Variants in MAP3K9 observed in about 807,000 individuals in gnomAD.
MAP3K9 encodes the protein mixed lineage kinase 1 (tyr and ser/thr specificity).
MAP3K9 carries 46 observed loss-of-function variants against 95.8 expected under a neutral mutation model. The ratio of observed to expected loss-of-function variants is 0.48; its 90% CI spans 0.38 to 0.61. MAP3K9 has a LOEUF of 0.61. MAP3K9 is among the 20% of genes least tolerant of loss of function. The probability of loss-of-function intolerance (pLI) is 0.00; values close to 1 mark genes in which losing one functional copy is unlikely to be tolerated. For synonymous variants in MAP3K9, 533 were observed against 593.8 expected, an observed-to-expected ratio of 0.90 and a Z score of 1.49; for missense variants, 1,296 against 1,474.3, an observed-to-expected ratio of 0.88 and a Z score of 1.98.
At chr14:70,742,909 A>G (rs1332570424) in intron 5 of MAP3K9, among the ~76,000 whole-genome samples, 1 of 34,026 alleles carries the variant, frequency 2.9e-5, no homozygotes, top group East Asian at 7.1e-4. Context: ...ATTTATATAT[A>G]TTTATATATA....
rs910506432 is a variant in MAP3K9 at position 70,722,883 on chromosome 14, A to C, written c.*7497T>G. The C allele has an allele frequency of 9.2e-5, 14 of 152,202 alleles. No individual in the cohort carries two copies. The highest frequency in any genetic ancestry group is 1.3e-4 in the Non-Finnish European group (9 of 68,040). The allele number at this position is 152,202 out of a possible 1,614,324, so 9.4% of individuals were successfully genotyped here. On this transcript the variant is annotated 3_prime_UTR_variant, in exon 12 of 12. Transcript: ENST00000554752. ...TAGCTAATTACAGAGCAACCAAACA[A>C]ACACATGTGTGAACTTTCACTTCAC...
At chr14:70,764,120 A>C (rs1181572974) in intron 2 of MAP3K9, among the ~76,000 whole-genome samples, 4 of 128,314 alleles carry the variant, frequency 3.1e-5, no homozygotes, top group African/African-American at 1.2e-4. Context: ...CGGGAAGCGG[A>C]GCTTGCAGTG....
chr14:70,758,448 G>A lies in MAP3K9; in HGVS notation c.1001+2554C>T, dbSNP rs184152834. Among the ~76,000 whole-genome samples the A allele has an allele frequency of 9.2e-5, 14 of 152,192 alleles. No individual in the cohort carries two copies. The East Asian group carries it at 2.7e-3, about 29-fold the overall frequency. On this transcript the variant is annotated intron_variant, in intron 3 of 11. Coordinates refer to ENST00000554752, the MANE Select transcript of MAP3K9 (RefSeq NM_001284230.2). Reference sequence around the variant, plus strand: ...TTGGAACATTCATACATTGCTAACGGGAATATAATAAAATGGTATAGCTAT... The same window carrying A: ...TTGGAACATTCATACATTGCTAACGAGAATATAATAAAATGGTATAGCTAT...
chr14:70,767,683 T>C (rs759671424), intron 2 of MAP3K9, among the ~76,000 whole-genome samples: 11 of 152,084 alleles, frequency 7.2e-5, no homozygotes, highest in Non-Finnish European at 1.6e-4. Flanking sequence ...GGAAAGACAA[T>C]GTGACAAAAG....
chr14:70,775,353 G>GA (rs1238696901), intron 2 of MAP3K9, among the ~76,000 whole-genome samples: 4 of 152,086 alleles, frequency 2.6e-5, no homozygotes, highest in Admixed American at 1.3e-4. Flanking sequence ...TCTAGGAAGC[G>GA]AAAGAGTCAA....
At chr14:70,783,798 C>G (rs754369426) in intron 2 of MAP3K9, among the ~76,000 whole-genome samples, 1 of 152,000 alleles carries the variant, frequency 6.6e-6, no homozygotes, top group African/African-American at 2.4e-5. Flanking sequence ...CAGAAAGGCC[C>G]GCTCACCTCC....
At position 70,736,002 on chromosome 14, in the gene MAP3K9, A is replaced by G; in HGVS notation, c.1872T>C (p.Asn624=). Residue 624 remains asparagine (N), a synonymous_variant, in exon 9 of 12, where the codon AAT becomes AAC. Coordinates refer to ENST00000554752, the MANE Select transcript of MAP3K9 (RefSeq NM_001284230.2). ...EGSPQRREKA[N]GLSTPSESPH... Reference sequence around the variant, plus strand: ...GAGATTCTGATGGGGTACTTAAACCATTAGCTTTCTCACGTCTCTGAGGGG... The same window carrying G: ...GAGATTCTGATGGGGTACTTAAACCGTTAGCTTTCTCACGTCTCTGAGGGG... 6.2e-7 allele frequency: 1 copy of G among 1,613,678 alleles called. No homozygotes were observed. Among genetic ancestry groups the G allele is most frequent in the Non-Finnish European group, 8.5e-7 (1 of 1,179,592 alleles).
intron 2 of MAP3K9, among the ~76,000 whole-genome samples, chr14:70,788,832 G>T (rs765069541): frequency 1.3e-5 from 2 of 152,120 alleles, no homozygotes; most frequent in African/African-American, 4.8e-5. Flanking sequence ...GACATGCTCC[G>T]TTTACCTTCC....
intron 2 of MAP3K9, among the ~76,000 whole-genome samples, chr14:70,780,807 A>G (rs1327809201): frequency 6.6e-6 from 1 of 152,238 alleles, no homozygotes. Context: ...GATCTCCGTC[A>G]TACCTCTGAA....
At chr14:70,795,433 C>T (rs964862869) in intron 2 of MAP3K9, among the ~76,000 whole-genome samples, 1 of 152,152 alleles carries the variant, frequency 6.6e-6, no homozygotes, top group African/African-American at 2.4e-5. Context: ...CTCAGCCTCC[C>T]AAGTAGTTGG....
chr14:70,752,176 C>T (rs1594779533), intron 3 of MAP3K9, among the ~76,000 whole-genome samples: 1 of 152,320 alleles, frequency 6.6e-6, no homozygotes, highest in East Asian at 1.9e-4. Context: ...AGTTTGGAGG[C>T]TTATGGGAAT....
intron 2 of MAP3K9, among the ~76,000 whole-genome samples, chr14:70,795,997 C>G (rs2054860545): frequency 6.6e-6 from 1 of 151,834 alleles, no homozygotes; most frequent in Non-Finnish European, 1.5e-5. Context: ...TCGGGTGATC[C>G]TCCTCCCTCA....
At chr14:70,748,717 A>C in intron 5 of MAP3K9, 112 bp downstream of exon 5, 1 of 776,484 alleles carries the variant, frequency 1.3e-6, no homozygotes, top group Non-Finnish European at 2.0e-6. Flanking sequence ...TGCTAGAATC[A>C]AGATGGTCAG....
At chr14:70,773,951 C>T (rs1034709302) in intron 2 of MAP3K9, among the ~76,000 whole-genome samples, 1 of 152,170 alleles carries the variant, frequency 6.6e-6, no homozygotes, top group African/African-American at 2.4e-5. Flanking sequence ...AAATATCTTG[C>T]TCATTACTAC....
intron 6 of MAP3K9, among the ~76,000 whole-genome samples, chr14:70,740,392 C>A (rs192553984): frequency 6.6e-6 from 1 of 152,282 alleles, no homozygotes; most frequent in East Asian, 1.9e-4. Flanking sequence ...TGAACTTCAT[C>A]TGTGAGCTTC....
At chr14:70,757,948 C>CA (rs778014171) in intron 3 of MAP3K9, among the ~76,000 whole-genome samples, 2 of 151,950 alleles carry the variant, frequency 1.3e-5, no homozygotes, top group African/African-American at 2.4e-5. Context: ...TTATAAAACT[C>CA]TTAGAAAAAA....
chr14:70,778,739 T>G (rs938225968), intron 2 of MAP3K9, among the ~76,000 whole-genome samples: 1 of 152,208 alleles, frequency 6.6e-6, no homozygotes, highest in Admixed American at 6.5e-5. Context: ...TTTACGGATA[T>G]GTACTGTTTT....
chr14:70,723,457 C>T lies in MAP3K9; in HGVS notation c.*6923G>A, dbSNP rs985080917. 6.6e-6 allele frequency: 1 copy of T among 152,250 alleles called. No individual in the cohort carries two copies. The highest frequency in any genetic ancestry group is 6.5e-5 in the Admixed American group (1 of 15,278). The allele number at this position is 152,250 out of a possible 1,614,324, so 9.4% of individuals were successfully genotyped here. ...ACGTGCGAGGGTTCAAGTCCAGTCA[C>T]AGGCAGATGACAGGTGAGCCAAGGA... is the stretch of plus-strand genomic sequence containing the variant. On this transcript the variant is annotated 3_prime_UTR_variant, in exon 12 of 12. Transcript: ENST00000554752.
chr14:70,743,633 T>C (rs1594772725), intron 5 of MAP3K9, among the ~76,000 whole-genome samples: 1 of 152,132 alleles, frequency 6.6e-6, no homozygotes, highest in African/African-American at 2.4e-5. Flanking sequence ...CACTACAGAA[T>C]TGCAAATCAA....
Sources: allele counts gnomAD v4.1 joint callset (sites outside exome capture counted in the v4.1 genomes callset), GRCh38; gene constraint gnomAD v4.1.1; transcripts MANE v1.5; gene names NCBI Gene and HGNC (gene_info 2026-07-23, HGNC 2026-07-21).